Variants in MON2 observed in about 807,000 individuals in gnomAD.
MON2 encodes the protein MON2 regulator of endosome-to-Golgi trafficking, also known as protein MON2 homolog.
Under a neutral mutation model 208.6 loss-of-function variants are expected in MON2, and 84 were observed. The ratio of observed to expected loss-of-function variants is 0.40; its 90% CI spans 0.34 to 0.48. MON2 has a LOEUF of 0.48. Ranked by LOEUF, MON2 falls within the 20% of genes least tolerant of loss-of-function variation. MON2 has a pLI of 0.59. For synonymous variants in MON2, 660 were observed against 694.0 expected (o/e 0.95, Z 0.77); for missense variants, 1,611 against 2,015.4 (o/e 0.80, Z 3.84).
In MON2 at chr12:62,535,648, G is replaced by A; in HGVS notation, c.1839G>A (p.Leu613=). ...AFITAICKGS[L]PPHYALTVLN... ...TAACTGCAATATGCAAAGGTTCCCTGCCTCCCCATTATGCTCTTACTGTAT... is the reference window on the plus strand; with the variant it reads ...TAACTGCAATATGCAAAGGTTCCCTACCTCCCCATTATGCTCTTACTGTAT... Residue 613 remains leucine (L), a synonymous_variant, in exon 14 of 35, where the codon CTG becomes CTA. Transcript: ENST00000393630. 6.2e-7 allele frequency: 1 copy of A among 1,613,686 alleles called. No homozygotes were observed. Among genetic ancestry groups the A allele is most frequent in the African/African-American group, 1.3e-5 (1 of 74,972 alleles).
intron 26 of MON2, among the ~76,000 whole-genome samples, chr12:62,563,724 T>G (rs2074276157): frequency 6.6e-6 from 1 of 152,144 alleles, no homozygotes. Flanking sequence ...TATGTTTTCT[T>G]ATCATAAAGG....
chr12:62,556,164 C>T lies in MON2; in HGVS notation c.3381C>T (p.Asn1127=), dbSNP rs1592385804. Residue 1127 remains asparagine (N), a synonymous_variant, in exon 25 of 35, where the codon AAC becomes AAT. Coordinates refer to ENST00000393630, the MANE Select transcript of MON2 (RefSeq NM_015026.3). The stretch of plus-strand genomic sequence containing the variant: ...TGGCTGGAGTAGCAAGGATCTTCAA[C>T]ACTAGAAGATATTTGCTGCAGCCTT... ...LTLAGVARIF[N]TRRYLLQPLG... is the part of the protein sequence containing the mutation. 1 of 1,613,836 alleles carries T rather than the reference C, an allele frequency of 6.2e-7. No individual in the cohort carries two copies. Among genetic ancestry groups the T allele is most frequent in the Non-Finnish European group, 8.5e-7 (1 of 1,179,942 alleles).
At chr12:62,585,271 A>G (rs377492412) in intron 32 of MON2, 23 bp from the exon 33 acceptor site, 9 of 1,562,054 alleles carry the variant, frequency 5.8e-6, no homozygotes, top group African/African-American at 2.7e-5. Context: ...TCTATTAACC[A>G]TCAAAATTTG....
At chr12:62,532,385 TA>T in intron 11 of MON2, 52 bp from the exon 12 acceptor site, 1 of 1,253,458 alleles carries the variant, frequency 8.0e-7, no homozygotes, top group East Asian at 2.4e-5. Flanking sequence ...TAGTTTTATG[TA>T]TTTTTTTTGT....
chr12:62,585,715 G>T, intron 33 of MON2: 1 of 408,926 alleles, frequency 2.4e-6, no homozygotes. Flanking sequence ...GATCCCTCAT[G>T]GAGATTATGT....
chr12:62,580,713 T>C (rs1159955674), intron 32 of MON2, among the ~76,000 whole-genome samples: 1 of 152,216 alleles, frequency 6.6e-6, no homozygotes, highest in Non-Finnish European at 1.5e-5. Context: ...TGTGAAGAAT[T>C]AAATTGCAAA....
In MON2 at chr12:62,518,295, C is replaced by G. The variant is rs1274099729; in HGVS notation, c.985-6220C>G. 2.0e-5 allele frequency among the ~76,000 whole-genome samples: 3 copies of G among 152,274 alleles called. No individual in the cohort carries two copies. In the East Asian group the frequency reaches 5.8e-4, roughly 29 times the overall value. ...TTTGGGGGTGTATAAACATTTAGAC[C>G]ATAGCATTGCTTTGCATACATTAAT... On this transcript the variant is annotated intron_variant, in intron 8 of 34. Coordinates refer to ENST00000393630, the MANE Select transcript of MON2 (RefSeq NM_015026.3).
intron 11 of MON2, among the ~76,000 whole-genome samples, chr12:62,530,737 G>T (rs1347018385): frequency 2.0e-5 from 3 of 152,044 alleles, no homozygotes; most frequent in African/African-American, 7.2e-5. Context: ...TTTCATTTCT[G>T]TTGGGTATAC....
chr12:62,515,182 T>TA (rs2071622835), intron 8 of MON2, among the ~76,000 whole-genome samples: 1 of 152,244 alleles, frequency 6.6e-6, no homozygotes, highest in Non-Finnish European at 1.5e-5. Flanking sequence ...GAAATGCTTG[T>TA]ACACCCATGT....
chr12:62,568,810 G>A (rs1429868300), intron 29 of MON2, among the ~76,000 whole-genome samples: 10 of 151,904 alleles, frequency 6.6e-5, no homozygotes, highest in Admixed American at 6.6e-4. Context: ...ACACCACCAC[G>A]CATGGCTAAT....
At chr12:62,576,006 G>A (rs139470641) in intron 30 of MON2, among the ~76,000 whole-genome samples, 49 of 152,200 alleles carry the variant, frequency 3.2e-4, no homozygotes, top group African/African-American at 1.0e-3. Flanking sequence ...TCATAGCAGT[G>A]TTATTCATAG....
At chr12:62,486,119 A>G (rs949999595) in intron 2 of MON2, among the ~76,000 whole-genome samples, 3 of 152,156 alleles carry the variant, frequency 2.0e-5, no homozygotes, top group African/African-American at 4.8e-5. Context: ...CCATAGGCCA[A>G]TCGTATTAGA....
intron 8 of MON2, among the ~76,000 whole-genome samples, chr12:62,513,264 A>G (rs2071504970): frequency 1.3e-5 from 2 of 151,996 alleles, no homozygotes; most frequent in Admixed American, 6.5e-5. Context: ...CTTGCTCTGT[A>G]TCCCAGGCTG....
Position 62,526,207 on chromosome 12 carries a change from A to G in MON2, c.1400+105A>G. ...TTTAAATTTTAGACCCACTACTTCT[A>G]AGGTATTTTAGAGCTCATTTTCTTT... On this transcript the variant is annotated intron_variant, in intron 11 of 34. Transcript: ENST00000393630. 3.7e-6 allele frequency: 4 copies of G among 1,068,350 alleles called. No individual in the cohort carries two copies. In the Admixed American group the frequency reaches 7.2e-5, roughly 19 times the overall value. The allele number at this position is 1,068,350 out of a possible 1,614,324, so 66.2% of individuals were successfully genotyped here.
chr12:62,548,349 T>C (rs2073590492), intron 22 of MON2, among the ~76,000 whole-genome samples: 1 of 152,122 alleles, frequency 6.6e-6, no homozygotes, highest in Non-Finnish European at 1.5e-5. Context: ...GGTAGTATCA[T>C]TAACTAAATA....
intron 11 of MON2, 101 bp from the exon 12 acceptor site, chr12:62,532,337 G>T: frequency 2.3e-6 from 2 of 871,476 alleles, no homozygotes; most frequent in Admixed American, 2.6e-5. Context: ...TTGCTATTCT[G>T]TTAATCTTAA....
chr12:62,493,470 A>T (rs2070293397), intron 2 of MON2, among the ~76,000 whole-genome samples: 1 of 152,266 alleles, frequency 6.6e-6, no homozygotes, highest in Non-Finnish European at 1.5e-5. Context: ...ATAAAATTCT[A>T]GGAAATTTCT....
chr12:62,539,782 C>T (rs893642604), intron 19 of MON2, among the ~76,000 whole-genome samples: 102 of 151,922 alleles, frequency 6.7e-4, no homozygotes, highest in African/African-American at 2.3e-3. Context: ...TGCAGGAGGC[C>T]GAGGCAGGCA....
At position 62,599,802 on chromosome 12, in the gene MON2, C is replaced by T. The variant is rs1240586992; in HGVS notation, c.*7053C>T. On this transcript the variant is annotated 3_prime_UTR_variant, in exon 35 of 35. Transcript: ENST00000393630. ...AAATAAACTAAAAATACTCTTGAGG[C>T]AATTACTATTTCTATGATGGGCACT... 6.6e-6 allele frequency: 1 copy of T among 152,078 alleles called. No homozygotes were observed. The highest frequency in any genetic ancestry group is 6.5e-5 in the Admixed American group (1 of 15,278). 9.4% of individuals were successfully genotyped at this position (152,078 alleles called of 1,614,324 possible). A position where few individuals can be genotyped will look rare whatever the true frequency, so the allele number is the denominator to read the frequency against.
Sources: gnomAD v4.1 joint callset for allele counts (sites outside exome capture counted in the v4.1 genomes callset) on GRCh38, gnomAD v4.1.1 for gene constraint, MANE v1.5 for transcripts, NCBI Gene and HGNC (gene_info 2026-07-23, HGNC 2026-07-21) for gene names.